The following MXD4 variants were observed in gnomAD, a reference collection of about 807,000 sequenced individuals.
The protein encoded by MXD4 is MAX dimerization protein 4, also known as Mad4 homolog.
Under a neutral mutation model 24.5 loss-of-function variants are expected in MXD4, and 16 were observed. The ratio of observed to expected loss-of-function variants is 0.65; its 90% confidence interval spans 0.44 to 0.99. The LOEUF is 0.99. Ranked by LOEUF, MXD4 falls within the 50% of genes least tolerant of loss-of-function variation. MXD4 has a pLI of 0.00. For synonymous variants in MXD4, 164 were observed against 134.2 expected (o/e 1.22, Z -1.54); for missense variants, 301 against 301.5 (o/e 1.00, Z 0.01).
chr4:2,250,260 T>G lies in MXD4; in HGVS notation c.*284A>C. 1 of 507,270 alleles carries G rather than the reference T, an allele frequency of 2.0e-6. No homozygotes were observed. 31.4% of individuals were successfully genotyped at this position (507,270 alleles called of 1,614,324 possible). A position where few individuals can be genotyped will look rare whatever the true frequency, so the allele number is the denominator to read the frequency against. ...ATGACGTTTAATACTTCTGGAATGA[T>G]TAGGAATCTGAGAACAGACCGTGGG... On this transcript the variant is annotated 3_prime_UTR_variant, in exon 6 of 6. Coordinates refer to ENST00000337190, the MANE Select transcript of MXD4 (RefSeq NM_006454.3).
chr4:2,252,458 T>C lies in MXD4; in HGVS notation c.259A>G (p.Thr87Ala). Residue 87 changes from threonine to alanine, a missense_variant, in exon 4 of 6, where the codon ACC (threonine) becomes GCC (alanine). Coordinates refer to ENST00000337190, the MANE Select transcript of MXD4 (RefSeq NM_006454.3). Reference protein sequence around the residue: ...KQLVPLGPDSTRHTTLSLLKR... With the variant: ...KQLVPLGPDSARHTTLSLLKR... Reference sequence around the variant, plus strand: ...AGGAGGCTCAGCGTGGTGTGGCGGGTGCTGTCGGGGCCCAGGGGCACCAGT... The same window carrying C: ...AGGAGGCTCAGCGTGGTGTGGCGGGCGCTGTCGGGGCCCAGGGGCACCAGT... 3 of 1,598,718 alleles carry C rather than the reference T, an allele frequency of 1.9e-6. No homozygotes were observed. Among genetic ancestry groups the C allele is most frequent in the Non-Finnish European group, 2.6e-6 (3 of 1,176,382 alleles).
In MXD4 at chr4:2,251,063, GC is replaced by G. The variant is rs1735310516; in HGVS notation, c.472+20del. 6.5e-7 allele frequency: 1 copy of G among 1,537,954 alleles called. No individual in the cohort carries two copies. On this transcript the variant is annotated intron_variant, in intron 5 of 5. Coordinates refer to ENST00000337190, the MANE Select transcript of MXD4 (RefSeq NM_006454.3). Reference sequence around the variant, plus strand: ...CGCACCCGGAGGCCCAGGTGAGGCTGCCCCGCGCCCCACGCCCCACCTTGCT... The same window carrying G: ...CGCACCCGGAGGCCCAGGTGAGGCTGCCCGCGCCCCACGCCCCACCTTGCT...
At position 2,249,539 on chromosome 4, in the gene MXD4, A is replaced by G. The variant is rs1265191172; in HGVS notation, c.*1005T>C. The G allele has an allele frequency of 2.6e-5, 4 of 151,798 alleles. No individual in the cohort carries two copies. Among genetic ancestry groups the G allele is most frequent in the Non-Finnish European group, 5.9e-5 (4 of 67,948 alleles). 9.4% of individuals were successfully genotyped at this position (151,798 alleles called of 1,614,324 possible). On this transcript the variant is annotated 3_prime_UTR_variant, in exon 6 of 6. Coordinates refer to ENST00000337190, the MANE Select transcript of MXD4 (RefSeq NM_006454.3). ...AGCCCTTTCCTAAGGTGGCTCCAGGAGCCCTAACCGGGCTGCTGGGCAGTG... is the reference window on the plus strand; with the variant it reads ...AGCCCTTTCCTAAGGTGGCTCCAGGGGCCCTAACCGGGCTGCTGGGCAGTG...
At chr4:2,259,542 G>A (rs1256643445) in intron 2 of MXD4, among the ~76,000 whole-genome samples, 1 of 152,218 alleles carries the variant, frequency 6.6e-6, no homozygotes, top group African/African-American at 2.4e-5. Flanking sequence ...TGGGTCTGTA[G>A]TCAAGAGGGA....
chr4:2,261,966 G>T lies in MXD4; in HGVS notation c.15C>A (p.Ser5=). The T allele has an allele frequency of 7.0e-7, 1 of 1,432,194 alleles. No homozygotes were observed. The highest frequency in any genetic ancestry group is 9.2e-7 in the Non-Finnish European group (1 of 1,086,650). 88.7% of individuals were successfully genotyped at this position (1,432,194 alleles called of 1,614,324 possible). MELN[S]LLILLEAAEY... ...CGGCCGCCTCCAGCAGGATCAGCAGGGAGTTCAGCTCCATCCTCCCGCCCG... is the reference window on the plus strand; with the variant it reads ...CGGCCGCCTCCAGCAGGATCAGCAGTGAGTTCAGCTCCATCCTCCCGCCCG... Residue 5 remains serine, a synonymous_variant, in exon 1 of 6, where the codon TCC becomes TCA. Transcript: ENST00000337190.
intron 3 of MXD4, chr4:2,254,401 G>A (rs529671891): frequency 6.6e-6 from 1 of 152,084 alleles, no homozygotes; most frequent in South Asian, 2.1e-4. Flanking sequence ...ATCAAACAAG[G>A]CACAGGGAGC....
chr4:2,257,422 AC>A (rs1243217015), intron 3 of MXD4, among the ~76,000 whole-genome samples: 21 of 152,066 alleles, frequency 1.4e-4, no homozygotes, highest in Admixed American at 7.2e-4. Flanking sequence ...CCCTGAGCTC[AC>A]CTGCACCTCA....
intron 2 of MXD4, 119 bp downstream of exon 2, chr4:2,261,606 G>C (rs986897516): frequency 7.3e-6 from 3 of 410,544 alleles, no homozygotes; most frequent in Non-Finnish European, 6.7e-6. Context: ...GCTGGCCGCC[G>C]GGGCGCGCGG....
intron 3 of MXD4, chr4:2,255,020 AG>A (rs1399800881): frequency 2.9e-6 from 1 of 342,310 alleles, no homozygotes; most frequent in African/African-American, 2.2e-5. Flanking sequence ...GGCACATCGC[AG>A]GACTGTCCGG....
At chr4:2,257,301 G>A (rs966505552) in intron 3 of MXD4, among the ~76,000 whole-genome samples, 2 of 152,214 alleles carry the variant, frequency 1.3e-5, no homozygotes, top group African/African-American at 4.8e-5. Flanking sequence ...AGTCAGGAGA[G>A]AGCGAAGGAC....
Position 2,258,109 on chromosome 4 carries a change from G to A in MXD4, c.165-98C>T, listed in dbSNP as rs544807372. The A allele has an allele frequency of 2.7e-6, 4 of 1,457,990 alleles. No individual in the cohort carries two copies. In the African/African-American group the frequency reaches 4.2e-5, roughly 15 times the overall value. The allele number at this position is 1,457,990 out of a possible 1,614,324, so 90.3% of individuals were successfully genotyped here. On this transcript the variant is annotated intron_variant, in intron 2 of 5. Coordinates refer to ENST00000337190, the MANE Select transcript of MXD4 (RefSeq NM_006454.3). ...TAGGGGGCCAGGACCTGCAGACAGTGGCTGGCTGTGTCTGGGTCCTGGAAT... is the reference window on the plus strand; with the variant it reads ...TAGGGGGCCAGGACCTGCAGACAGTAGCTGGCTGTGTCTGGGTCCTGGAAT...
In MXD4 at chr4:2,256,245, G is replaced by A. The variant is rs148502134; in HGVS notation, c.194+1737C>T. Reference sequence around the variant, plus strand: ...GCAGCCAAGAAGGCGAGGCCTCCACGGTCCCCAGGACCCTGGGGTTGGCAA... The same window carrying A: ...GCAGCCAAGAAGGCGAGGCCTCCACAGTCCCCAGGACCCTGGGGTTGGCAA... On this transcript the variant is annotated intron_variant, in intron 3 of 5. Coordinates refer to ENST00000337190, the MANE Select transcript of MXD4 (RefSeq NM_006454.3). Among the ~76,000 whole-genome samples the A allele has an allele frequency of 6.4e-4, 98 of 152,328 alleles. No homozygotes were observed. The East Asian group carries it at 0.017, about 26-fold the overall frequency.
At chr4:2,261,524 G>A (rs1339017499) in intron 2 of MXD4, among the ~76,000 whole-genome samples, 2 of 149,852 alleles carry the variant, frequency 1.3e-5, no homozygotes, top group African/African-American at 4.9e-5. Context: ...GCGGCCGCGG[G>A]AAGATGGCGA....
At chr4:2,259,883 C>T (rs1328204261) in intron 2 of MXD4, among the ~76,000 whole-genome samples, 3 of 152,178 alleles carry the variant, frequency 2.0e-5, no homozygotes, top group African/African-American at 4.8e-5. Context: ...AGTGCTCTGC[C>T]GCCTCCCTCA....
At chr4:2,260,795 G>A (rs895054644) in intron 2 of MXD4, among the ~76,000 whole-genome samples, 11 of 152,234 alleles carry the variant, frequency 7.2e-5, no homozygotes, top group Non-Finnish European at 1.3e-4. Context: ...GGGCTCTGAA[G>A]CCCCCTACAA....
rs913419249 is a variant in MXD4 at position 2,250,538 on chromosome 4, A to G, written c.*6T>C. On this transcript the variant is annotated 3_prime_UTR_variant, in exon 6 of 6. Coordinates refer to ENST00000337190, the MANE Select transcript of MXD4 (RefSeq NM_006454.3). ...GCAGGCAGGCCAAGGAGCAGAGGGC[A>G]CGGGCCTACGAGAGGGCGGGGCGGC... is the stretch of plus-strand genomic sequence containing the variant. 1.9e-6 allele frequency: 3 copies of G among 1,570,636 alleles called. No individual in the cohort carries two copies. The highest frequency in any genetic ancestry group is 2.6e-6 in the Non-Finnish European group (3 of 1,159,252).
chr4:2,258,367 A>G (rs1735472764), intron 2 of MXD4, among the ~76,000 whole-genome samples: 1 of 152,130 alleles, frequency 6.6e-6, no homozygotes, highest in Non-Finnish European at 1.5e-5. Context: ...CAGGGCGCCC[A>G]GGGCCACCAG....
In MXD4 at chr4:2,261,928, C is replaced by T. The variant is rs867276716; in HGVS notation, c.53G>A (p.Arg18His). The T allele has an allele frequency of 3.4e-6, 5 of 1,462,458 alleles. No individual in the cohort carries two copies. Among genetic ancestry groups the T allele is most frequent in the East Asian group, 3.0e-5 (1 of 33,764 alleles). The allele number at this position is 1,462,458 out of a possible 1,614,324, so 90.6% of individuals were successfully genotyped here. Residue 18 changes from arginine (R) to histidine (H), a missense_variant, in exon 1 of 6, where the codon CGC becomes CAC. Physicochemically the swap from Arg to His is conservative, Grantham distance 29 (BLOSUM62 0). Transcript: ENST00000337190. ...GGTGCGAGCGCTACCTCGATCCCTG[C>T]GCTCCAGGTACTCGGCCGCCTCCAG... ...ILLEAAEYLERRDREAEHGYA... is the reference protein window; with the variant it reads ...ILLEAAEYLEHRDREAEHGYA...
Position 2,261,705 on chromosome 4 carries a change from TCGGGAG to T in MXD4, c.164+14_164+19del. The T allele has an allele frequency of 7.7e-7, 1 of 1,301,932 alleles. No individual in the cohort carries two copies. Among genetic ancestry groups the T allele is most frequent in the Non-Finnish European group, 9.9e-7 (1 of 1,012,792 alleles). The allele number at this position is 1,301,932 out of a possible 1,614,324, so 80.6% of individuals were successfully genotyped here. ...GGGGTTCGGACCGGGCCGGGCGGGG[TCGGGAG>T]CGGGGGGCGGTACCTGTTGTTCGGG... On this transcript the variant is annotated intron_variant, in intron 2 of 5. Transcript: ENST00000337190.
Sources: gnomAD v4.1 joint callset for allele counts (sites outside exome capture counted in the v4.1 genomes callset) on GRCh38, gnomAD v4.1.1 for gene constraint, MANE v1.5 for transcripts, NCBI Gene and HGNC (gene_info 2026-07-23, HGNC 2026-07-21) for gene names.